HMGCLL1: variants seen among roughly 807,000 people sequenced by gnomAD.
HMGCLL1 encodes 3-hydroxy-3-methylglutaryl-CoA lyase like 1, also known as 3-hydroxymethyl-3-methylglutaryl-CoA lyase, cytoplasmic.
HMGCLL1 carries 36 observed loss-of-function variants against 39.1 expected under a neutral mutation model. The ratio of observed to expected loss-of-function variants is 0.92; its 90% confidence interval spans 0.71 to 1.22. The LOEUF is 1.22. Among genes scored for constraint, HMGCLL1 ranks in the 50% most tolerant of loss-of-function variants. The probability of loss-of-function intolerance (pLI) is 0.00; values close to 1 mark genes in which losing one functional copy is unlikely to be tolerated. For synonymous variants in HMGCLL1, 149 were observed against 144.0 expected, an observed-to-expected ratio of 1.03 and a Z score of -0.25; for missense variants, 451 against 416.5, an observed-to-expected ratio of 1.08 and a Z score of -0.72.
intron 1 of HMGCLL1, among the ~76,000 whole-genome samples, chr6:55,573,894 C>A (rs550890262): frequency 6.6e-6 from 1 of 152,038 alleles, no homozygotes; most frequent in African/African-American, 2.4e-5. Context: ...CCTAGATATG[C>A]CATAGTAATA....
chr6:55,657,908 G>A, the HMGCLL1 span, among the ~76,000 whole-genome samples: 1 of 151,872 alleles, frequency 6.6e-6, no homozygotes, highest in Non-Finnish European at 1.5e-5. Context: ...GCTTTTTGGA[G>A]AGTGGAAGGT....
chr6:55,647,745 C>CTTTTTTTTTTTTTT, the HMGCLL1 span, among the ~76,000 whole-genome samples: 21 of 115,862 alleles, frequency 1.8e-4, no homozygotes, highest in South Asian at 2.8e-4. Context: ...TTTTTTTTTC[C>CTTTTTTTTTTTTTT]TTTTTTTTTT....
intron 1 of HMGCLL1, chr6:55,577,296 C>T (rs1412665345): frequency 7.8e-6 from 10 of 1,284,998 alleles, no homozygotes; most frequent in Middle Eastern, 2.2e-4. Context: ...TAAAAATTCC[C>T]GAGAACACAA....
chr6:55,657,715 T>C, the HMGCLL1 span, among the ~76,000 whole-genome samples: 1 of 152,042 alleles, frequency 6.6e-6, no homozygotes. Flanking sequence ...CACCATGGAA[T>C]ACTATGCAGC....
chr6:55,590,859 G>A, the HMGCLL1 span, among the ~76,000 whole-genome samples: 11 of 152,084 alleles, frequency 7.2e-5, no homozygotes, highest in African/African-American at 2.4e-4. Context: ...AGGAAAGATA[G>A]TATTCATTAA....
the HMGCLL1 span, among the ~76,000 whole-genome samples, chr6:55,655,536 GTAGA>G: frequency 5.2e-3 from 774 of 147,728 alleles, 22 homozygotes; most frequent in East Asian, 0.07. Flanking sequence ...AGTTATATTG[GTAGA>G]TAGATAGATA....
the HMGCLL1 span, among the ~76,000 whole-genome samples, chr6:55,672,707 T>G: frequency 6.6e-5 from 10 of 151,942 alleles, no homozygotes; most frequent in Non-Finnish European, 1.5e-4. Context: ...ACACTAAAAC[T>G]ACTATTATAT....
intron 1 of HMGCLL1, among the ~76,000 whole-genome samples, chr6:55,569,670 C>CA (rs1452756849): frequency 6.6e-6 from 1 of 152,072 alleles, no homozygotes; most frequent in East Asian, 1.9e-4. Context: ...ATTGAGCGTT[C>CA]AGTAGTGGTA....
intron 7 of HMGCLL1, among the ~76,000 whole-genome samples, chr6:55,468,216 G>A (rs1329128393): frequency 1.3e-5 from 2 of 151,936 alleles, no homozygotes; most frequent in Non-Finnish European, 2.9e-5. Context: ...TATATTGTAA[G>A]GCAACAATAA....
chr6:55,478,625 G>A (rs1765578344), intron 7 of HMGCLL1, among the ~76,000 whole-genome samples: 1 of 151,196 alleles, frequency 6.6e-6, no homozygotes, highest in Admixed American at 6.6e-5. Context: ...AACAAATATG[G>A]ATATGGATGA....
chr6:55,542,871 T>G (rs1287346548), intron 1 of HMGCLL1, among the ~76,000 whole-genome samples: 2 of 136,192 alleles, frequency 1.5e-5, no homozygotes, highest in African/African-American at 5.5e-5. Context: ...TTATATATTT[T>G]TATATTTTTA....
chr6:55,516,614 T>A lies in HMGCLL1; in HGVS notation c.298-11A>T. Reference sequence around the variant, plus strand: ...AGTGTGATCAGCCATCTTAAATACATAATAGTTATATGTAAATGTGTAACT... The same window carrying A: ...AGTGTGATCAGCCATCTTAAATACAAAATAGTTATATGTAAATGTGTAACT... On this transcript the variant is annotated splice_polypyrimidine_tract_variant and intron_variant, in intron 3 of 8. Transcript: ENST00000274901. 1 of 1,538,198 alleles carries A rather than the reference T, an allele frequency of 6.5e-7. No individual in the cohort carries two copies. The highest frequency in any genetic ancestry group is 8.9e-7 in the Non-Finnish European group (1 of 1,118,904).
At chr6:55,638,866 A>G in the HMGCLL1 span, among the ~76,000 whole-genome samples, 1 of 152,166 alleles carries the variant, frequency 6.6e-6, no homozygotes, top group Non-Finnish European at 1.5e-5. Context: ...AGGAGAATAA[A>G]GCCAAGAGTA....
chr6:55,434,637 A>G lies in HMGCLL1; in HGVS notation c.*1025T>C, dbSNP rs1763299712. 2 of 152,054 alleles carry G rather than the reference A, an allele frequency of 1.3e-5. No individual in the cohort carries two copies. Among genetic ancestry groups the G allele is most frequent in the Non-Finnish European group, 2.9e-5 (2 of 67,996 alleles). The allele number at this position is 152,054 out of a possible 1,614,324, so 9.4% of individuals were successfully genotyped here. ...CTCATCCCTGACTTTGATATATTACATCTTGCAATTTCTGGCAATCAATTC... is the reference window on the plus strand; with the variant it reads ...CTCATCCCTGACTTTGATATATTACGTCTTGCAATTTCTGGCAATCAATTC... On this transcript the variant is annotated 3_prime_UTR_variant, in exon 9 of 9. Coordinates refer to ENST00000274901, the MANE Select transcript of HMGCLL1 (RefSeq NM_001042406.2).
At chr6:55,639,721 G>T in the HMGCLL1 span, among the ~76,000 whole-genome samples, 1 of 152,128 alleles carries the variant, frequency 6.6e-6, no homozygotes, top group Admixed American at 6.6e-5. Flanking sequence ...TCCTTCACTA[G>T]TTGCATAAAC....
At chr6:55,601,398 G>T in the HMGCLL1 span, among the ~76,000 whole-genome samples, 1 of 152,138 alleles carries the variant, frequency 6.6e-6, no homozygotes, top group Non-Finnish European at 1.5e-5. Flanking sequence ...GGATAGCTTT[G>T]ACTGGTTCGC....
At chr6:55,663,729 G>T in the HMGCLL1 span, among the ~76,000 whole-genome samples, 4 of 151,438 alleles carry the variant, frequency 2.6e-5, no homozygotes, top group Admixed American at 1.3e-4. Context: ...GAATATTTTT[G>T]TTAATTTTCT....
At chr6:55,495,798 A>T (rs898775432) in intron 6 of HMGCLL1, among the ~76,000 whole-genome samples, 191 bp from the exon 7 acceptor site, 9 of 152,124 alleles carry the variant, frequency 5.9e-5, no homozygotes, top group African/African-American at 1.9e-4. Flanking sequence ...AGACTTTGAG[A>T]TTATTGCAAT....
chr6:55,678,178 G>A, the HMGCLL1 span, among the ~76,000 whole-genome samples: 1 of 152,142 alleles, frequency 6.6e-6, no homozygotes, highest in Non-Finnish European at 1.5e-5. Context: ...AGAGCTATGG[G>A]TGAGGTCATA....
Sources: allele counts gnomAD v4.1 joint callset (sites outside exome capture counted in the v4.1 genomes callset), GRCh38; gene constraint gnomAD v4.1.1; transcripts MANE v1.5; gene names NCBI Gene and HGNC (gene_info 2026-07-23, HGNC 2026-07-21).